Variants in CDH17 observed in about 807,000 individuals in gnomAD.
CDH17 encodes cadherin 17, also known as cadherin-17.
In CDH17, 67 loss-of-function variants were observed where a neutral mutation model predicts 86.3. That is an observed-to-expected ratio of 0.78 (90% CI 0.64 to 0.95). The LOEUF (loss-of-function observed/expected upper bound fraction) is 0.95. CDH17 is among the 40% of genes least tolerant of loss of function. The pLI is 0.00. For synonymous variants in CDH17, 367 were observed against 366.4 expected (o/e 1.00, Z -0.02); for missense variants, 993 against 1,017.6 (o/e 0.98, Z 0.33).
intron 2 of CDH17, among the ~76,000 whole-genome samples, chr8:94,189,614 G>A (rs1813647400): frequency 6.6e-6 from 1 of 152,174 alleles, no homozygotes; most frequent in African/African-American, 2.4e-5. Flanking sequence ...CTGAACTAAA[G>A]CCCATGGTCT....
intron 11 of CDH17, among the ~76,000 whole-genome samples, chr8:94,161,320 A>G (rs1261650204): frequency 6.6e-6 from 1 of 152,128 alleles, no homozygotes; most frequent in Non-Finnish European, 1.5e-5. Context: ...TCATAAATCA[A>G]TTCCCTTCTT....
intron 15 of CDH17, among the ~76,000 whole-genome samples, chr8:94,140,744 A>G (rs1005753037): frequency 1.3e-5 from 2 of 152,222 alleles, no homozygotes; most frequent in Non-Finnish European, 2.9e-5. Flanking sequence ...TTCTACAGAT[A>G]TTAATAAAAT....
chr8:94,128,386 G>A (rs774220342), intron 17 of CDH17, 46 bp from the exon 18 acceptor site: 2 of 1,151,124 alleles, frequency 1.7e-6, no homozygotes, highest in East Asian at 2.3e-5. Context: ...CTTTTAAAAT[G>A]TACTGTCACA....
At chr8:94,145,305 G>A (rs1451974288) in intron 15 of CDH17, among the ~76,000 whole-genome samples, 1 of 152,176 alleles carries the variant, frequency 6.6e-6, no homozygotes, top group African/African-American at 2.4e-5. Flanking sequence ...AATCAGGAAT[G>A]AAGTACTGAT....
upstream of CDH17, among the ~76,000 whole-genome samples, chr8:94,209,949 ATG>A (rs1814094568): frequency 6.6e-6 from 1 of 151,882 alleles, no homozygotes; most frequent in African/African-American, 2.4e-5. Context: ...TAAAGTGCAT[ATG>A]TATCATTTAT....
chr8:94,162,156 T>C lies in CDH17; in HGVS notation c.1289A>G (p.Lys430Arg). Residue 430 changes from lysine (K) to arginine (R), a missense_variant, in exon 11 of 18, where the codon AAG becomes AGG. Physicochemically the swap from Lys to Arg is conservative, Grantham distance 26. Transcript: ENST00000027335. Reference protein sequence around the residue: ...LTIEVSDKDFKTLCFVQINVI... With the variant: ...LTIEVSDKDFRTLCFVQINVI... ...GTTGATTTGCACAAAACAAAGGGTC[T>C]TGAAATCTGAAAACCAAAGTCATAT... The C allele has an allele frequency of 6.2e-7, 1 of 1,603,044 alleles. No homozygotes were observed.
At position 94,177,709 on chromosome 8, in the gene CDH17, G is replaced by T; in HGVS notation, c.163C>A (p.Pro55Thr). ...GTTAGTTCAAAAGTCACAGCAGGAGGATTGGCCTTAAACTGGGGAAAAAGC... is the reference window on the plus strand; with the variant it reads ...GTTAGTTCAAAAGTCACAGCAGGAGTATTGGCCTTAAACTGGGGAAAAAGC... ...SQIIFQFKAN[P>T]PAVTFELTGE... Residue 55 changes from proline (P) to threonine (T), a missense_variant, in exon 4 of 18, where the codon CCT (proline) becomes ACT (threonine). Physicochemically the swap from Pro to Thr is conservative, Grantham distance 38. Transcript: ENST00000027335. 2 of 1,613,680 alleles carry T rather than the reference G, an allele frequency of 1.2e-6. No individual in the cohort carries two copies. The highest frequency in any genetic ancestry group is 1.7e-6 in the Non-Finnish European group (2 of 1,179,746).
intron 1 of CDH17, among the ~76,000 whole-genome samples, chr8:94,204,692 A>G (rs1813991008): frequency 6.6e-6 from 1 of 152,202 alleles, no homozygotes; most frequent in African/African-American, 2.4e-5. Flanking sequence ...AATTATTCTT[A>G]TTAAAGAAAA....
chr8:94,148,858 C>T lies in CDH17; in HGVS notation c.1813G>A (p.Asp605Asn). Reference protein sequence around the residue: ...GLDISYSLRGDTRGWLKIDHV... With the variant: ...GLDISYSLRGNTRGWLKIDHV... ...TCAATTTTAAGCCAACCTCTTGTGT[C>T]TCCCCTCAGTGAATAGCTTCATCAA... is the stretch of plus-strand genomic sequence containing the variant. Residue 605 changes from aspartate to asparagine, a missense_variant, in exon 14 of 18, where the codon GAC (aspartate) becomes AAC (asparagine). Transcript: ENST00000027335. 1 of 1,609,198 alleles carries T rather than the reference C, an allele frequency of 6.2e-7. No homozygotes were observed.
chr8:94,137,938 T>C (rs990572422), intron 15 of CDH17, among the ~76,000 whole-genome samples: 1 of 152,140 alleles, frequency 6.6e-6, no homozygotes, highest in African/African-American at 2.4e-5. Flanking sequence ...GTAGACCTGA[T>C]TCTGGGTTTC....
Position 94,176,696 on chromosome 8 carries a change from G to A in CDH17, c.286-17C>T. 1 of 1,605,950 alleles carries A rather than the reference G, an allele frequency of 6.2e-7. No homozygotes were observed. The highest frequency in any genetic ancestry group is 8.5e-7 in the Non-Finnish European group (1 of 1,176,880). On this transcript the variant is annotated splice_polypyrimidine_tract_variant and intron_variant, in intron 4 of 17. Transcript: ENST00000027335. ...GGCTGCAACCTGATGTTGAGGAAAAGGAAACCATGTTGGTGAGACTGAACT... is the reference window on the plus strand; with the variant it reads ...GGCTGCAACCTGATGTTGAGGAAAAAGAAACCATGTTGGTGAGACTGAACT...
At chr8:94,200,168 C>G (rs972536981) in intron 1 of CDH17, among the ~76,000 whole-genome samples, 4 of 152,170 alleles carry the variant, frequency 2.6e-5, no homozygotes, top group African/African-American at 9.7e-5. Context: ...GTCTCTCAAA[C>G]AGGTCCCACC....
chr8:94,141,598 A>G (rs1359330036), intron 15 of CDH17, among the ~76,000 whole-genome samples: 2 of 152,202 alleles, frequency 1.3e-5, no homozygotes, highest in Non-Finnish European at 2.9e-5. Context: ...GTATACAGAA[A>G]TCATTATATT....
intron 1 of CDH17, among the ~76,000 whole-genome samples, chr8:94,207,012 G>T (rs1349895871): frequency 6.6e-6 from 1 of 152,182 alleles, no homozygotes; most frequent in Admixed American, 6.5e-5. Flanking sequence ...GAACAGTGAT[G>T]ACTTTTTTCA....
intron 3 of CDH17, among the ~76,000 whole-genome samples, chr8:94,183,345 A>G (rs912954026): frequency 1.3e-5 from 2 of 152,146 alleles, no homozygotes; most frequent in African/African-American, 2.4e-5. Context: ...AATTTACTAC[A>G]AAGGTGTAGT....
At chr8:94,130,796 C>A in intron 16 of CDH17, 57 bp from the exon 17 acceptor site, 1 of 1,522,642 alleles carries the variant, frequency 6.6e-7, no homozygotes, top group South Asian at 1.1e-5. Context: ...GTTGCAGAAT[C>A]CCATATCAAA....
At chr8:94,190,829 G>A (rs572555773) in intron 2 of CDH17, among the ~76,000 whole-genome samples, 1 of 152,320 alleles carries the variant, frequency 6.6e-6, no homozygotes, top group Admixed American at 6.5e-5. Flanking sequence ...AGTGATCAGA[G>A]AAAGGTCTTA....
At chr8:94,189,315 C>A (rs745602971) in intron 2 of CDH17, 30 bp from the exon 3 acceptor site, 2 of 1,502,664 alleles carry the variant, frequency 1.3e-6, no homozygotes, top group East Asian at 2.3e-5. Context: ...AAATTAGCAT[C>A]TTGTATGAAG....
intron 15 of CDH17, among the ~76,000 whole-genome samples, chr8:94,133,577 T>C (rs892665474): frequency 5.9e-5 from 9 of 152,214 alleles, no homozygotes; most frequent in Admixed American, 5.2e-4. Flanking sequence ...TAGGGTTTTC[T>C]AAATATACAA....
Sources: gnomAD v4.1 joint callset for allele counts (sites outside exome capture counted in the v4.1 genomes callset) on GRCh38, gnomAD v4.1.1 for gene constraint, MANE v1.5 for transcripts, NCBI Gene and HGNC (gene_info 2026-07-23, HGNC 2026-07-21) for gene names.